PDIA6: variants seen among roughly 807,000 people sequenced by gnomAD.
PDIA6 encodes protein disulfide isomerase family A member 6.
Under a neutral mutation model 58.4 loss-of-function variants are expected in PDIA6, and 29 were observed. The ratio of observed to expected loss-of-function variants is 0.50; its 90% CI spans 0.37 to 0.68. The LOEUF (loss-of-function observed/expected upper bound fraction) is 0.68. Among genes scored for constraint, PDIA6 ranks in the 30% least tolerant of loss-of-function variants. The pLI, the probability that PDIA6 is intolerant of heterozygous loss-of-function variation, is 0.00. For missense variants in PDIA6, 480 were observed against 551.0 expected, an observed-to-expected ratio of 0.87 and a Z score of 1.29; for synonymous variants, 192 against 202.6, an observed-to-expected ratio of 0.95 and a Z score of 0.44.
intron 1 of PDIA6, among the ~76,000 whole-genome samples, chr2:10,827,167 A>G (rs953233839): frequency 2.6e-5 from 4 of 152,094 alleles, no homozygotes; most frequent in African/African-American, 9.7e-5. Flanking sequence ...GGGTTTAAGC[A>G]ATTTCCTGCC....
chr2:10,822,369 TCTC>T (rs1667423304), intron 1 of PDIA6, among the ~76,000 whole-genome samples: 2 of 149,068 alleles, frequency 1.3e-5, no homozygotes, highest in East Asian at 2.0e-4. Flanking sequence ...TTCATGCCAT[TCTC>T]CTTCCTCAGC....
At chr2:10,791,626 G>A (rs1156753229) in intron 6 of PDIA6, among the ~76,000 whole-genome samples, 169 bp downstream of exon 6, 1 of 152,206 alleles carries the variant, frequency 6.6e-6, no homozygotes, top group Non-Finnish European at 1.5e-5. Context: ...CAATAGGAGA[G>A]TGGAAGCTCT....
chr2:10,807,874 C>A (rs1408168749), intron 1 of PDIA6, among the ~76,000 whole-genome samples: 1 of 152,164 alleles, frequency 6.6e-6, no homozygotes, highest in East Asian at 1.9e-4. Flanking sequence ...GGACTTATCC[C>A]CATTTTGTAA....
intron 1 of PDIA6, among the ~76,000 whole-genome samples, chr2:10,820,376 A>T (rs1220811198): frequency 6.6e-6 from 1 of 152,078 alleles, no homozygotes; most frequent in Non-Finnish European, 1.5e-5. Context: ...CCACCCCAGT[A>T]TTTTATTACA....
intron 1 of PDIA6, chr2:10,821,011 G>C (rs568533637): frequency 1.7e-6 from 1 of 577,802 alleles, no homozygotes; most frequent in East Asian, 2.9e-5. Context: ...ACGAAGGGGA[G>C]GGGGGTGGAT....
intron 1 of PDIA6, 67 bp downstream of exon 1, chr2:10,812,611 C>A: frequency 6.9e-7 from 1 of 1,459,684 alleles, no homozygotes; most frequent in Non-Finnish European, 9.1e-7. Flanking sequence ...CGGGGAACGG[C>A]CTAGAGATTC....
At chr2:10,797,631 AT>A (rs1666325563) in intron 3 of PDIA6, 68 bp downstream of exon 3, 2 of 1,046,534 alleles carry the variant, frequency 1.9e-6, no homozygotes, top group Non-Finnish European at 3.0e-6. Flanking sequence ...ACACAGGTGA[AT>A]ATGGACATCT....
chr2:10,809,076 G>A (rs1026290962), intron 1 of PDIA6, among the ~76,000 whole-genome samples: 1 of 152,088 alleles, frequency 6.6e-6, no homozygotes, highest in African/African-American at 2.4e-5. Flanking sequence ...CCCAAAGTGC[G>A]AGGATTACAG....
At chr2:10,791,645 A>G in intron 6 of PDIA6, 150 bp downstream of exon 6, 1 of 673,940 alleles carries the variant, frequency 1.5e-6, no homozygotes. Flanking sequence ...CTTGGCGCTA[A>G]TGTCAATGTT....
chr2:10,806,265 G>C (rs1162450780), intron 1 of PDIA6, among the ~76,000 whole-genome samples: 3 of 151,016 alleles, frequency 2.0e-5, no homozygotes, highest in Admixed American at 1.3e-4. Flanking sequence ...CTACTCGAGA[G>C]GCTGAGGTGG....
intron 4 of PDIA6, among the ~76,000 whole-genome samples, chr2:10,793,829 C>A (rs1464202375): frequency 1.3e-5 from 2 of 152,134 alleles, no homozygotes; most frequent in African/African-American, 4.8e-5. Flanking sequence ...AAAAAAGGAA[C>A]AATTTCTGTG....
At position 10,797,283 on chromosome 2, in the gene PDIA6, C is replaced by T. The variant is rs1686444; in HGVS notation, c.220-76G>A. On this transcript the variant is annotated intron_variant, in intron 3 of 12. Transcript: ENST00000272227. The stretch of plus-strand genomic sequence containing the variant: ...CCACAAGAACTCATTATCTGCTTCA[C>T]ATAGACTCAGAAAAAGGTAATAAAG... The T allele has an allele frequency of 0.55, 798,673 of 1,450,142 alleles. 224,226 individuals carry two copies. Among genetic ancestry groups the T allele is most frequent in the Middle Eastern group, 0.59 (3,246 of 5,488 alleles). The allele number at this position is 1,450,142 out of a possible 1,614,324, so 89.8% of individuals were successfully genotyped here.
upstream of PDIA6, chr2:10,812,845 C>A (rs150779000): frequency 6.4e-3 from 7,460 of 1,166,582 alleles, 394 homozygotes; most frequent in African/African-American, 0.11. Context: ...GGAAGGCGCT[C>A]GCCAAGCCGT....
chr2:10,808,011 C>T (rs372402188), intron 1 of PDIA6, among the ~76,000 whole-genome samples: 1 of 152,122 alleles, frequency 6.6e-6, no homozygotes, highest in Non-Finnish European at 1.5e-5. Context: ...TGGTTCTGTA[C>T]GCTATAGGTA....
At chr2:10,835,148 CTG>C (rs1667804237), upstream of PDIA6, among the ~76,000 whole-genome samples, 1 of 152,160 alleles carries the variant, frequency 6.6e-6, no homozygotes, top group Non-Finnish European at 1.5e-5. Context: ...GCACCAGCGC[CTG>C]TGTGTGTACT....
upstream of PDIA6, among the ~76,000 whole-genome samples, chr2:10,813,987 A>T (rs1410300376): frequency 6.6e-6 from 1 of 151,726 alleles, no homozygotes; most frequent in African/African-American, 2.4e-5. Flanking sequence ...GGCCTCCCAA[A>T]ATGCTAGGAT....
chr2:10,823,384 T>C (rs1323335840), intron 1 of PDIA6: 1 of 152,248 alleles, frequency 6.6e-6, no homozygotes, highest in Admixed American at 6.5e-5. Context: ...ATCCTTGTTA[T>C]GGCTCATATG....
chr2:10,792,599 C>A (rs1452369650), intron 5 of PDIA6, among the ~76,000 whole-genome samples: 1 of 152,176 alleles, frequency 6.6e-6, no homozygotes, highest in Non-Finnish European at 1.5e-5. Flanking sequence ...ACAAGAACAT[C>A]AGTGTAAGCT....
At chr2:10,804,893 TTG>T in intron 1 of PDIA6, among the ~76,000 whole-genome samples, 1 of 130,648 alleles carries the variant, frequency 7.7e-6, no homozygotes. Flanking sequence ...TTCACATCCC[TTG>T]TAAGTTGGAT....
Sources: allele counts gnomAD v4.1 joint callset (sites outside exome capture counted in the v4.1 genomes callset), GRCh38; gene constraint gnomAD v4.1.1; transcripts MANE v1.5; gene names NCBI Gene and HGNC (gene_info 2026-07-23, HGNC 2026-07-21).